The following RFPL1 variants were observed in gnomAD, a reference collection of about 807,000 sequenced individuals.
The protein encoded by RFPL1 is ret finger protein-like 1.
A neutral mutation model predicts 9.6 loss-of-function variants in RFPL1; 6 were observed. The observed-to-expected ratio is 0.62, with a 90% confidence interval of 0.34 to 1.23. The LOEUF (loss-of-function observed/expected upper bound fraction) is 1.23, where lower values mean the gene tolerates loss of function less well. Among genes scored for constraint, RFPL1 ranks in the 50% most tolerant of loss-of-function variants. RFPL1 has a pLI of 0.03. For synonymous variants in RFPL1, 145 were observed against 149.4 expected (o/e 0.97, Z 0.22); for missense variants, 352 against 398.4 (o/e 0.88, Z 0.99).
chr22:29,422,586 T>C, the RFPL1 span, among the ~76,000 whole-genome samples: 6 of 151,864 alleles, frequency 4.0e-5, no homozygotes, highest in East Asian at 5.8e-4. Flanking sequence ...CTCAAATAAA[T>C]AAATAAATTA....
chr22:29,400,457 T>G, the RFPL1 span, among the ~76,000 whole-genome samples: 1 of 152,242 alleles, frequency 6.6e-6, no homozygotes, highest in Admixed American at 6.5e-5. Context: ...TCTCCCTTCT[T>G]GATTTTGTAT....
At chr22:29,412,176 A>G in the RFPL1 span, among the ~76,000 whole-genome samples, 1 of 152,150 alleles carries the variant, frequency 6.6e-6, no homozygotes, top group Non-Finnish European at 1.5e-5. Context: ...ACAGGACACG[A>G]GTCAGTAGGG....
chr22:29,442,061 T>G (rs775884126), exon 2 of RFPL1: 2 of 1,612,908 alleles, frequency 1.2e-6, no homozygotes, highest in South Asian at 1.1e-5. Flanking sequence ...GTCTTGAGTA[T>G]CTGTCCTGTG....
the RFPL1 span, among the ~76,000 whole-genome samples, chr22:29,415,563 G>A: frequency 3.3e-5 from 5 of 152,262 alleles, no homozygotes; most frequent in Admixed American, 6.5e-5. Context: ...AGCTGCCTAA[G>A]AGGCTGCCTC....
At chr22:29,433,959 A>G (rs1455982177), upstream of RFPL1, among the ~76,000 whole-genome samples, 4 of 152,090 alleles carry the variant, frequency 2.6e-5, no homozygotes, top group Non-Finnish European at 5.9e-5. Flanking sequence ...TTCTCCTTCT[A>G]TTGGACTAGG....
At chr22:29,439,187 C>T in intron 1 of RFPL1, 23 bp downstream of exon 1, 1 of 1,602,460 alleles carries the variant, frequency 6.2e-7, no homozygotes, top group Non-Finnish European at 8.5e-7. Flanking sequence ...TATACACTGC[C>T]CCCTTCCTAC....
chr22:29,423,961 G>A, the RFPL1 span, among the ~76,000 whole-genome samples: 2 of 152,100 alleles, frequency 1.3e-5, no homozygotes, highest in Admixed American at 6.6e-5. Flanking sequence ...TCCCAGCCAA[G>A]GCACGTGGAT....
the RFPL1 span, among the ~76,000 whole-genome samples, chr22:29,393,684 TAGAG>T: frequency 1.3e-5 from 2 of 149,422 alleles, no homozygotes; most frequent in African/African-American, 4.9e-5. Context: ...CCCACCTGGA[TAGAG>T]AGAGAGAGAG....
the RFPL1 span, among the ~76,000 whole-genome samples, chr22:29,408,423 C>T: frequency 6.6e-6 from 1 of 152,204 alleles, no homozygotes; most frequent in Non-Finnish European, 1.5e-5. Flanking sequence ...ACACTCCAGA[C>T]CCAGTCCATA....
the RFPL1 span, among the ~76,000 whole-genome samples, chr22:29,427,322 C>T: frequency 6.6e-6 from 1 of 152,176 alleles, no homozygotes; most frequent in Non-Finnish European, 1.5e-5. Flanking sequence ...GGGGGCTGAG[C>T]CACATGAGTG....
the RFPL1 span, among the ~76,000 whole-genome samples, chr22:29,400,669 A>C: frequency 6.6e-6 from 1 of 152,140 alleles, no homozygotes; most frequent in Non-Finnish European, 1.5e-5. Context: ...AACTGTTCCC[A>C]CATCTCTCTT....
the RFPL1 span, among the ~76,000 whole-genome samples, chr22:29,426,531 C>T: frequency 4.6e-5 from 7 of 152,050 alleles, no homozygotes; most frequent in South Asian, 4.2e-4. Context: ...GTGGGAGGAT[C>T]GCCTGAGGTC....
chr22:29,403,157 A>G, the RFPL1 span, among the ~76,000 whole-genome samples: 40 of 152,194 alleles, frequency 2.6e-4, no homozygotes, highest in Non-Finnish European at 5.3e-4. Flanking sequence ...CTTCATAGAC[A>G]TAGAGAGATC....
the RFPL1 span, among the ~76,000 whole-genome samples, chr22:29,398,149 TGG>T: frequency 6.6e-6 from 1 of 152,056 alleles, no homozygotes; most frequent in Non-Finnish European, 1.5e-5. Context: ...GCTGCACTCA[TGG>T]GGGTGTGGGA....
At chr22:29,392,548 C>A in the RFPL1 span, among the ~76,000 whole-genome samples, 1 of 151,992 alleles carries the variant, frequency 6.6e-6, no homozygotes, top group Non-Finnish European at 1.5e-5. Context: ...CACCACCATG[C>A]CTGGTTAATT....
chr22:29,413,035 G>A, the RFPL1 span, among the ~76,000 whole-genome samples: 48 of 152,100 alleles, frequency 3.2e-4, no homozygotes, highest in Non-Finnish European at 2.4e-4. Context: ...TTATGCAGAT[G>A]CCCAGGAAGT....
the RFPL1 span, among the ~76,000 whole-genome samples, chr22:29,411,631 G>A: frequency 6.6e-6 from 1 of 151,080 alleles, no homozygotes; most frequent in East Asian, 2.0e-4. Flanking sequence ...AAGACTTGGT[G>A]GACTAATCTT....
chr22:29,441,880 G>A (rs1173390639), exon 2 of RFPL1: 12 of 1,613,510 alleles, frequency 7.4e-6, no homozygotes, highest in South Asian at 2.2e-5. Context: ...TTTCCTCTTC[G>A]TAGACCGCAA....
At chr22:29,401,471 C>T in the RFPL1 span, among the ~76,000 whole-genome samples, 2 of 152,218 alleles carry the variant, frequency 1.3e-5, no homozygotes, top group Non-Finnish European at 2.9e-5. Flanking sequence ...ACCTCTTTCT[C>T]GTCCTACATT....
Sources: gnomAD v4.1 joint callset for allele counts (sites outside exome capture counted in the v4.1 genomes callset) on GRCh38, gnomAD v4.1.1 for gene constraint, MANE v1.5 for transcripts, NCBI Gene and HGNC (gene_info 2026-07-23, HGNC 2026-07-21) for gene names.